LDLRAD4: variants seen among roughly 807,000 people sequenced by gnomAD.
The protein encoded by LDLRAD4 is low density lipoprotein receptor class A domain containing 4.
Under a neutral mutation model 17.0 loss-of-function variants are expected in LDLRAD4, and 5 were observed. The observed-to-expected ratio is 0.29, with a 90% CI of 0.15 to 0.62. LDLRAD4 has a LOEUF of 0.62. Ranked by LOEUF, LDLRAD4 falls within the 20% of genes least tolerant of loss-of-function variation. The pLI, the probability that LDLRAD4 is intolerant of heterozygous loss-of-function variation, is 0.84. For missense variants in LDLRAD4, 340 were observed against 424.7 expected (o/e 0.80, Z 1.75); for synonymous variants, 168 against 171.8 (o/e 0.98, Z 0.17).
intron 2 of LDLRAD4, 81 bp downstream of exon 3, chr18:13,387,843 C>A: frequency 7.9e-7 from 1 of 1,268,836 alleles, no homozygotes; most frequent in Non-Finnish European, 1.2e-6. Flanking sequence ...ATGCAGTGAA[C>A]CTACCTTTGC....
chr18:13,429,665 G>A (rs1174464267), intron 2 of LDLRAD4, among the ~76,000 whole-genome samples: 1 of 152,242 alleles, frequency 6.6e-6, no homozygotes, highest in East Asian at 1.9e-4. Flanking sequence ...ACTTTTAGGT[G>A]TGAGAACGCA....
At chr18:13,329,194 A>G (rs1366045439) in intron 1 of LDLRAD4, among the ~76,000 whole-genome samples, 2 of 152,194 alleles carry the variant, frequency 1.3e-5, no homozygotes, top group African/African-American at 2.4e-5. Flanking sequence ...TTGCTGGGTT[A>G]AGGGTATATT....
intron 1 of LDLRAD4, among the ~76,000 whole-genome samples, chr18:13,349,575 C>T (rs1202466918): frequency 1.3e-5 from 2 of 152,130 alleles, no homozygotes; most frequent in African/African-American, 4.8e-5. Flanking sequence ...AATGAACTCT[C>T]AGCTTTTGTT....
At chr18:13,568,991 T>A (rs552736187) in intron 3 of LDLRAD4, among the ~76,000 whole-genome samples, 1 of 152,262 alleles carries the variant, frequency 6.6e-6, no homozygotes, top group East Asian at 1.9e-4. Flanking sequence ...CCCAATGTGA[T>A]GTTTGTAGGC....
intron 1 of LDLRAD4, among the ~76,000 whole-genome samples, chr18:13,324,617 C>T (rs780286200): frequency 9.9e-5 from 15 of 152,264 alleles, no homozygotes; most frequent in Non-Finnish European, 1.9e-4. Context: ...GGCATCCGGG[C>T]AGCAGGGGAG....
At chr18:13,555,711 G>C (rs2094476553) in intron 3 of LDLRAD4, among the ~76,000 whole-genome samples, 1 of 152,210 alleles carries the variant, frequency 6.6e-6, no homozygotes, top group Admixed American at 6.5e-5. Context: ...GTAAAGCCAG[G>C]TGTGTCTCAG....
Position 13,539,520 on chromosome 18 carries a change from A to G in LDLRAD4, c.182-81597A>G, listed in dbSNP as rs116140707. On this transcript the variant is annotated intron_variant, in intron 3 of 5. Coordinates refer to ENST00000359446, the Ensembl canonical transcript of LDLRAD4. ...AGAAAGCCCTTTTATGTTTTTGTGG[A>G]TAAACATAGATTATTTTCCACCCCC... is the stretch of plus-strand genomic sequence containing the variant. Among the ~76,000 whole-genome samples the G allele has an allele frequency of 5.0e-3, 769 of 152,356 alleles. 7 individuals carry two copies. The highest frequency in any genetic ancestry group is 0.017 in the African/African-American group (709 of 41,576).
intron 3 of LDLRAD4, among the ~76,000 whole-genome samples, chr18:13,586,639 A>C (rs774006699): frequency 1.3e-4 from 20 of 151,742 alleles, no homozygotes; most frequent in Non-Finnish European, 2.6e-4. Context: ...TCAGGGGGGA[A>C]TCGTTGAGAG....
chr18:13,243,745 C>T (rs1312211047), intron 1 of LDLRAD4, among the ~76,000 whole-genome samples: 1 of 150,518 alleles, frequency 6.6e-6, no homozygotes, highest in African/African-American at 2.4e-5. Flanking sequence ...CACCCATGCA[C>T]CCGCACATCC....
chr18:13,580,867 C>A (rs2094846630), intron 3 of LDLRAD4, among the ~76,000 whole-genome samples: 1 of 152,222 alleles, frequency 6.6e-6, no homozygotes, highest in African/African-American at 2.4e-5. Flanking sequence ...CTATTAGAAG[C>A]TTGCCCTTTT....
At chr18:13,579,447 C>A (rs1568364020) in intron 3 of LDLRAD4, among the ~76,000 whole-genome samples, 2 of 152,166 alleles carry the variant, frequency 1.3e-5, no homozygotes, top group Non-Finnish European at 2.9e-5. Flanking sequence ...ACCTTCTGAG[C>A]CAAAGCTCTC....
At chr18:13,416,163 C>T (rs984899711) in intron 2 of LDLRAD4, among the ~76,000 whole-genome samples, 3 of 152,314 alleles carry the variant, frequency 2.0e-5, no homozygotes, top group African/African-American at 7.2e-5. Flanking sequence ...GGCGAGTCAT[C>T]ATCCTCAGTT....
chr18:13,426,673 A>G (rs188771683), intron 2 of LDLRAD4, among the ~76,000 whole-genome samples: 205 of 152,336 alleles, frequency 1.3e-3, no homozygotes, highest in African/African-American at 4.8e-3. Context: ...CCATTCTTTT[A>G]AGTACCAAGT....
chr18:13,528,975 G>A (rs981358201), intron 3 of LDLRAD4, among the ~76,000 whole-genome samples: 2 of 152,222 alleles, frequency 1.3e-5, no homozygotes, highest in African/African-American at 2.4e-5. Flanking sequence ...TTAGATCCTC[G>A]GCCGTGGTTC....
At chr18:13,388,093 G>A (rs904994657) in intron 2 of LDLRAD4, among the ~76,000 whole-genome samples, 1 of 152,242 alleles carries the variant, frequency 6.6e-6, no homozygotes, top group African/African-American at 2.4e-5. Context: ...GGTAGGGGAA[G>A]TGTGGTTTCT....
chr18:13,358,279 C>T (rs1161520015), intron 1 of LDLRAD4, among the ~76,000 whole-genome samples: 1 of 151,720 alleles, frequency 6.6e-6, no homozygotes, highest in East Asian at 1.9e-4. Context: ...TATATCTATG[C>T]ATCTATTTAT....
In LDLRAD4 at chr18:13,642,928, G is replaced by GTT. The variant is rs113846373; in HGVS notation, c.337-420_337-419dup. ...TTGTTTGTTTGTTTATCTATTTTTT[G>GTT]TTTTTTTTTTTTCTTCTGTTTTTTT... On this transcript the variant is annotated intron_variant, in intron 4 of 5. Transcript: ENST00000359446. Among the ~76,000 whole-genome samples, 236 of 133,822 alleles carry GTT rather than the reference G, an allele frequency of 1.8e-3. 2 individuals are homozygous for GTT. In the East Asian group the frequency reaches 0.033, roughly 19 times the overall value. The allele number at this position is 133,822 out of a possible 152,430, so 87.8% of individuals were successfully genotyped here.
At chr18:13,255,988 G>T (rs532257115) in intron 1 of LDLRAD4, among the ~76,000 whole-genome samples, 2 of 152,246 alleles carry the variant, frequency 1.3e-5, no homozygotes, top group Non-Finnish European at 2.9e-5. Context: ...TCTTGTTTCT[G>T]CCTAACTTTC....
At chr18:13,399,572 CACTTTATTGACCAA>C (rs2086987000) in intron 2 of LDLRAD4, among the ~76,000 whole-genome samples, 4 of 152,346 alleles carry the variant, frequency 2.6e-5, no homozygotes, top group South Asian at 4.1e-4. Flanking sequence ...GCCATCGACT[CACTTTATTGACCAA>C]ACTTGGCCCC....
Sources: gnomAD v4.1 joint callset for allele counts (sites outside exome capture counted in the v4.1 genomes callset) on GRCh38, gnomAD v4.1.1 for gene constraint, MANE v1.5 for transcripts, NCBI Gene and HGNC (gene_info 2026-07-23, HGNC 2026-07-21) for gene names.